Variants in PADI4 observed in about 807,000 individuals in gnomAD.
PADI4 encodes protein-arginine deiminase type-4.
A neutral mutation model predicts 75.0 loss-of-function variants in PADI4; 62 were observed. That is an observed-to-expected ratio of 0.83 (90% confidence interval 0.67 to 1.02). The LOEUF is 1.02. Ranked by LOEUF, PADI4 falls within the 50% of genes least tolerant of loss-of-function variation. The pLI is 0.00. For synonymous variants in PADI4, 361 were observed against 348.1 expected, an observed-to-expected ratio of 1.04 and a Z score of -0.41; for missense variants, 845 against 850.5, an observed-to-expected ratio of 0.99 and a Z score of 0.08.
intron 1 of PADI4, among the ~76,000 whole-genome samples, chr1:17,322,510 T>A (rs748888996): frequency 6.6e-6 from 1 of 151,712 alleles, no homozygotes; most frequent in Admixed American, 6.6e-5. Flanking sequence ...AAAGATAAGC[T>A]ATAAATGTAC....
At position 17,346,371 on chromosome 1, in the gene PADI4, C is replaced by G. The variant is rs897851245; in HGVS notation, c.1047+232C>G. On this transcript the variant is annotated intron_variant, in intron 9 of 15. Transcript: ENST00000375448. The surrounding 1 kb of genome is among the most constrained non-coding windows in gnomAD (Gnocchi z 4.3). The stretch of plus-strand genomic sequence containing the variant: ...GCAGTCACCAAGATGAAGCCACCTT[C>G]CTGCTTGAAAACACTCAGGTGGCCT... 2.6e-5 allele frequency among the ~76,000 whole-genome samples: 4 copies of G among 152,170 alleles called. No homozygotes were observed. Among genetic ancestry groups the G allele is most frequent in the Non-Finnish European group, 1.5e-5 (1 of 68,032 alleles).
At chr1:17,309,090 A>G (rs1314345635) in intron 1 of PADI4, among the ~76,000 whole-genome samples, 1 of 151,338 alleles carries the variant, frequency 6.6e-6, no homozygotes, top group East Asian at 2.0e-4. Context: ...TTGTTATTGT[A>G]GAACAGGAAT....
intron 9 of PADI4, 80 bp from the exon 10 acceptor site, chr1:17,347,861 G>A: frequency 1.4e-6 from 1 of 706,796 alleles, no homozygotes. Flanking sequence ...TGAGTGGATG[G>A]TTTCATGCCC....
At chr1:17,342,270 C>T (rs764009808) in intron 7 of PADI4, 29 bp from the exon 8 acceptor site, 9 of 1,458,036 alleles carry the variant, frequency 6.2e-6, no homozygotes, top group Non-Finnish European at 9.6e-7. Flanking sequence ...GGTGACAGCC[C>T]CTCCTTCCCC....
At chr1:17,355,857 T>A (rs2074750065) in intron 11 of PADI4, 126 bp from the exon 12 acceptor site, 2 of 885,056 alleles carry the variant, frequency 2.3e-6, no homozygotes, top group African/African-American at 1.6e-5. Context: ...ATAAAGGCAT[T>A]CTAGACTCCT....
Position 17,363,669 on chromosome 1 carries a change from T to A in PADI4, c.1906T>A (p.Tyr636Asn). Residue 636 changes from tyrosine (Y) to asparagine (N), a missense_variant, in exon 16 of 16, where the codon TAC becomes AAC. By Grantham distance (143) the Tyr-to-Asn change is moderately radical. Coordinates refer to ENST00000375448, the MANE Select transcript of PADI4 (RefSeq NM_012387.3). ...QCTFINDFFT[Y>N]HIRHGEVHCG... ...CACCTTCATCAACGACTTCTTCACC[T>A]ACCACATCAGGCATGGGGAGGTGCA... 3.7e-6 allele frequency: 6 copies of A among 1,614,184 alleles called. No individual in the cohort carries two copies. Among genetic ancestry groups the A allele is most frequent in the Non-Finnish European group, 5.1e-6 (6 of 1,179,968 alleles).
In PADI4 at chr1:17,359,376, T is replaced by A; in HGVS notation, c.1726T>A (p.Phe576Ile). 1 of 1,613,380 alleles carries A rather than the reference T, an allele frequency of 6.2e-7. No individual in the cohort carries two copies. Among genetic ancestry groups the A allele is most frequent in the Admixed American group, 1.7e-5 (1 of 59,952 alleles). Residue 576 changes from phenylalanine to isoleucine, a missense_variant, in exon 15 of 16, where the codon TTC (phenylalanine) becomes ATC (isoleucine). By Grantham distance (21) the Phe-to-Ile change is conservative (BLOSUM62 0). Transcript: ENST00000375448. Reference sequence around the variant, plus strand: ...CCCGCAGCTCTTCAAGCTCAAAGAGTTCTCTAAGGCGGAAGCTTTTTTCCC... The same window carrying A: ...CCCGCAGCTCTTCAAGCTCAAAGAGATCTCTAAGGCGGAAGCTTTTTTCCC... Reference protein sequence around the residue: ...DIPQLFKLKEFSKAEAFFPNM... With the variant: ...DIPQLFKLKEISKAEAFFPNM...
At chr1:17,340,794 T>C (rs1222771033) in intron 6 of PADI4, among the ~76,000 whole-genome samples, 1 of 138,574 alleles carries the variant, frequency 7.2e-6, no homozygotes, top group African/African-American at 2.6e-5. Context: ...TCCAAGCTTT[T>C]TTTTTTTTTT....
intron 15 of PADI4, among the ~76,000 whole-genome samples, chr1:17,362,579 A>G (rs1299372106): frequency 1.3e-5 from 2 of 152,086 alleles, no homozygotes; most frequent in East Asian, 3.9e-4. Flanking sequence ...AAAATTACCT[A>G]TCGGGTACGA....
At chr1:17,332,995 G>T (rs1413045761) in intron 2 of PADI4, among the ~76,000 whole-genome samples, 6 of 152,174 alleles carry the variant, frequency 3.9e-5, no homozygotes, top group African/African-American at 1.4e-4. Flanking sequence ...TGGCAAGAAA[G>T]GTAGATGGAA....
In PADI4 at chr1:17,336,138, TCTTA is replaced by T; in HGVS notation, c.341-17_341-14del. 2 of 1,593,654 alleles carry T rather than the reference TCTTA, an allele frequency of 1.3e-6. No individual in the cohort carries two copies. The highest frequency in any genetic ancestry group is 1.7e-6 in the Non-Finnish European group (2 of 1,161,318). On this transcript the variant is annotated splice_polypyrimidine_tract_variant and intron_variant, in intron 3 of 15. Coordinates refer to ENST00000375448, the MANE Select transcript of PADI4 (RefSeq NM_012387.3). ...ACCCCGGACCCTCACCAACCTCTCC[TCTTA>T]CTTGATGGGATTTCAGAAATCTCCT...
chr1:17,330,509 C>T (rs11583124), intron 1 of PADI4, among the ~76,000 whole-genome samples: 1 of 152,172 alleles, frequency 6.6e-6, no homozygotes, highest in Non-Finnish European at 1.5e-5. Context: ...AGGAAGCCAA[C>T]AATGCAGCCT....
intron 1 of PADI4, among the ~76,000 whole-genome samples, chr1:17,311,529 T>C (rs950719215): frequency 6.6e-6 from 1 of 151,152 alleles, no homozygotes; most frequent in Non-Finnish European, 1.5e-5. Flanking sequence ...CTTCTTCTTT[T>C]TTTTTTTTTT....
At position 17,363,598 on chromosome 1, in the gene PADI4, TGGA is replaced by T. The variant is rs776698535; in HGVS notation, c.1840_1842del (p.Glu614del). On this transcript the variant is annotated inframe_deletion, in exon 16 of 16. Coordinates refer to ENST00000375448, the MANE Select transcript of PADI4 (RefSeq NM_012387.3). ...CCCGTCATCAACGGCCGCTGCTGCCTGGAGGAGAAGGTGTGTTCCCTGCTGGAG... is the reference window on the plus strand; with the variant it reads ...CCCGTCATCAACGGCCGCTGCTGCCTGGAGAAGGTGTGTTCCCTGCTGGAG... 2 of 1,614,190 alleles carry T rather than the reference TGGA, an allele frequency of 1.2e-6. No homozygotes were observed. The highest frequency in any genetic ancestry group is 1.3e-5 in the African/African-American group (1 of 75,060).
chr1:17,322,006 G>A (rs1247695933), intron 1 of PADI4, among the ~76,000 whole-genome samples: 1 of 152,228 alleles, frequency 6.6e-6, no homozygotes, highest in Non-Finnish European at 1.5e-5. Flanking sequence ...AGGCAAGGTA[G>A]AGGAGTAGTC....
At position 17,327,320 on chromosome 1, in the gene PADI4, G is replaced by A. The variant is rs556697027; in HGVS notation, c.93-3649G>A. Among the ~76,000 whole-genome samples, 10 of 152,162 alleles carry A rather than the reference G, an allele frequency of 6.6e-5. No homozygotes were observed. The East Asian group carries it at 1.9e-3, about 29-fold the overall frequency. On this transcript the variant is annotated intron_variant, in intron 1 of 15. Coordinates refer to ENST00000375448, the MANE Select transcript of PADI4 (RefSeq NM_012387.3). ...CTCTCTATTGATACCAATGTGTTTT[G>A]TCTAATAATTCATTCTTTTGATATT...
chr1:17,362,857 C>T (rs1401159048), intron 15 of PADI4, among the ~76,000 whole-genome samples: 2 of 152,230 alleles, frequency 1.3e-5, no homozygotes, highest in African/African-American at 2.4e-5. Flanking sequence ...GACAGAGTCT[C>T]GCTCTGTCAC....
At chr1:17,330,898 G>A in intron 1 of PADI4, 71 bp from the exon 2 acceptor site, 2 of 978,302 alleles carry the variant, frequency 2.0e-6, no homozygotes, top group South Asian at 1.8e-5. Flanking sequence ...AAGGAGAAAT[G>A]CTGGGAGAGC....
chr1:17,311,660 G>A (rs563932442), intron 1 of PADI4, among the ~76,000 whole-genome samples: 4 of 152,202 alleles, frequency 2.6e-5, no homozygotes, highest in Non-Finnish European at 4.4e-5. Context: ...CAGTAGCTGG[G>A]ACTACAGGCG....
Sources: gnomAD v4.1 joint callset for allele counts (sites outside exome capture counted in the v4.1 genomes callset) on GRCh38, gnomAD v4.1.1 for gene constraint, Gnocchi (gnomAD v3.1) non-coding constraint, MANE v1.5 for transcripts, NCBI Gene and HGNC (gene_info 2026-07-23, HGNC 2026-07-21) for gene names.